The following RPS6KA2 variants were observed in gnomAD, a reference collection of about 807,000 sequenced individuals.
The protein encoded by RPS6KA2 is ribosomal protein S6 kinase A2.
In RPS6KA2, 42 loss-of-function variants were observed where a neutral mutation model predicts 91.8. That is an observed-to-expected ratio of 0.46 (90% CI 0.36 to 0.59). RPS6KA2 has a LOEUF of 0.59. Ranked by LOEUF, RPS6KA2 falls within the 20% of genes least tolerant of loss-of-function variation. The probability of loss-of-function intolerance (pLI) is 0.00; values close to 1 mark genes in which losing one functional copy is unlikely to be tolerated. For missense variants in RPS6KA2, 798 were observed against 978.5 expected (o/e 0.82, Z 2.46); for synonymous variants, 414 against 393.6 (o/e 1.05, Z -0.61).
intron 2 of RPS6KA2, among the ~76,000 whole-genome samples, chr6:166,716,945 C>T (rs1306551152): frequency 6.6e-6 from 1 of 152,234 alleles, no homozygotes; most frequent in African/African-American, 2.4e-5. Context: ...CAGTGCTCCA[C>T]GTACAGAACT....
chr6:166,413,984 G>T lies in RPS6KA2; in HGVS notation c.1939-53C>A, dbSNP rs1778411993. ...GGGATGGTTGGATCATTTGTGCTGGGTCAGAGAGCCTCCCCAGCAGAACTC... is the reference window on the plus strand; with the variant it reads ...GGGATGGTTGGATCATTTGTGCTGGTTCAGAGAGCCTCCCCAGCAGAACTC... On this transcript the variant is annotated intron_variant, in intron 19 of 20. Transcript: ENST00000265678. 1.4e-5 allele frequency: 22 copies of T among 1,568,096 alleles called. 1 individual carries two copies. In the South Asian group the frequency reaches 2.5e-4, roughly 18 times the overall value.
intron 1 of RPS6KA2, among the ~76,000 whole-genome samples, chr6:166,595,457 C>A (rs1309754914): frequency 2.6e-5 from 4 of 152,242 alleles, no homozygotes; most frequent in Non-Finnish European, 5.9e-5. Flanking sequence ...CCCAGGGAAG[C>A]GGTTGTATCC....
chr6:166,473,520 C>T (rs1271902469), intron 10 of RPS6KA2, among the ~76,000 whole-genome samples: 1 of 152,134 alleles, frequency 6.6e-6, no homozygotes, highest in Non-Finnish European at 1.5e-5. Context: ...CGATTCTGTC[C>T]AGCTCTTCTA....
intron 10 of RPS6KA2, among the ~76,000 whole-genome samples, chr6:166,483,621 G>T (rs1275309300): frequency 6.6e-6 from 1 of 152,130 alleles, no homozygotes; most frequent in Non-Finnish European, 1.5e-5. Flanking sequence ...AGGGTAAATC[G>T]CATCCTCACT....
intron 19 of RPS6KA2, among the ~76,000 whole-genome samples, chr6:166,416,365 C>A (rs1031169945): frequency 1.2e-4 from 18 of 151,760 alleles, no homozygotes; most frequent in African/African-American, 1.7e-4. Flanking sequence ...TTCACCATCA[C>A]CTCCACTATC....
intron 2 of RPS6KA2, among the ~76,000 whole-genome samples, chr6:166,670,128 C>A (rs1232857483): frequency 6.6e-6 from 1 of 152,264 alleles, no homozygotes; most frequent in Non-Finnish European, 1.5e-5. Context: ...ATGTACACTT[C>A]CAGTCACAGG....
intron 1 of RPS6KA2, among the ~76,000 whole-genome samples, chr6:166,562,815 C>T (rs1009564076): frequency 2.6e-4 from 39 of 152,302 alleles, no homozygotes; most frequent in Admixed American, 1.9e-3. Flanking sequence ...AGCATGGCCA[C>T]GATGGGGGCT....
chr6:166,773,467 T>C (rs1778533127), intron 2 of RPS6KA2, among the ~76,000 whole-genome samples: 1 of 152,082 alleles, frequency 6.6e-6, no homozygotes. Context: ...AGTAGTGCAG[T>C]CTTGGCTCAC....
At chr6:166,587,665 A>G (rs982571005) in intron 1 of RPS6KA2, among the ~76,000 whole-genome samples, 1 of 110,194 alleles carries the variant, frequency 9.1e-6, no homozygotes, top group Non-Finnish European at 1.8e-5. Context: ...TAAAATAAAT[A>G]TTATATATAT....
intron 2 of RPS6KA2, among the ~76,000 whole-genome samples, chr6:166,840,918 G>A (rs112655008): frequency 0.1 from 15,390 of 151,792 alleles, 1,625 homozygotes; most frequent in East Asian, 0.35. Context: ...AGCTGAGATC[G>A]TGCCATTACA....
rs1367116731 is a variant in RPS6KA2, at chr6:166,852,144, C to G, written c.123+6056G>C. 6.6e-6 allele frequency among the ~76,000 whole-genome samples: 1 copy of G among 152,154 alleles called. No homozygotes were observed. Among genetic ancestry groups the G allele is most frequent in the Non-Finnish European group, 1.5e-5 (1 of 68,022 alleles). On this transcript the variant is annotated intron_variant, in intron 2 of 21. Transcript: ENST00000503859. The surrounding 1 kb of genome is among the most constrained non-coding windows in gnomAD (Gnocchi z 4.1). ...CCCTTTTCTAGCATTTCTGCAAGGA[C>G]TAAAGTGATTCTTGTCTGCTGGACA...
At chr6:166,649,570 G>A (rs553837143) in intron 2 of RPS6KA2, among the ~76,000 whole-genome samples, 1 of 152,232 alleles carries the variant, frequency 6.6e-6, no homozygotes, top group African/African-American at 2.4e-5. Context: ...ACATTTCTGA[G>A]GCCAATGGTC....
chr6:166,502,540 G>A (rs926096031), intron 6 of RPS6KA2, among the ~76,000 whole-genome samples: 3 of 152,340 alleles, frequency 2.0e-5, no homozygotes, highest in South Asian at 2.1e-4. Context: ...GTGGATGCAC[G>A]GGGAGTGTGT....
intron 1 of RPS6KA2, among the ~76,000 whole-genome samples, chr6:166,606,338 G>T (rs947433580): frequency 1.3e-5 from 2 of 152,144 alleles, no homozygotes; most frequent in Non-Finnish European, 2.9e-5. Flanking sequence ...TTCCTTGCTC[G>T]ATTACACAAG....
chr6:166,701,280 A>C, intron 2 of RPS6KA2: 1 of 1,612,246 alleles, frequency 6.2e-7, no homozygotes, highest in Non-Finnish European at 8.5e-7. Context: ...CAACTTCTGC[A>C]CTTGACAAAT....
At position 166,639,591 on chromosome 6, in the gene RPS6KA2, G is replaced by A. The variant is rs778152228; in HGVS notation, c.124-100807C>T. On this transcript the variant is annotated intron_variant, in intron 2 of 21. Coordinates refer to the RPS6KA2 transcript ENST00000503859. The surrounding 1 kb of genome is among the most constrained non-coding windows in gnomAD (Gnocchi z 4.2). ...CTAGCCAGGCCTTCTTCCATGTTGC[G>A]TTTGCCTCTCCTCCTTCCTCCAGGG... Among the ~76,000 whole-genome samples the A allele has an allele frequency of 1.3e-5, 2 of 152,026 alleles. No homozygotes were observed. The highest frequency in any genetic ancestry group is 2.4e-5 in the African/African-American group (1 of 41,380).
chr6:166,422,758 C>T (rs1375165562), intron 17 of RPS6KA2, among the ~76,000 whole-genome samples: 2 of 152,170 alleles, frequency 1.3e-5, no homozygotes, highest in African/African-American at 4.8e-5. Context: ...GGCAAATCAC[C>T]CCGGAGCCCT....
In RPS6KA2 at chr6:166,448,609, G is replaced by C; in HGVS notation, c.1332+115C>G. 1 of 1,316,828 alleles carries C rather than the reference G, an allele frequency of 7.6e-7. No individual in the cohort carries two copies. The highest frequency in any genetic ancestry group is 2.2e-5 in the Admixed American group (1 of 45,600). The allele number at this position is 1,316,828 out of a possible 1,614,324, so 81.6% of individuals were successfully genotyped here. On this transcript the variant is annotated intron_variant, in intron 14 of 20. Transcript: ENST00000265678. This position sits in a 1 kb window ranked among gnomAD's most constrained non-coding sequence, Gnocchi z 4.7. The stretch of plus-strand genomic sequence containing the variant: ...CCATGTGCTGTACATGCTCCCACAC[G>C]CTGCACTCACACAGGGCCCTGCTAT...
Position 166,671,900 on chromosome 6 carries a change from G to C in RPS6KA2, c.124-133116C>G, listed in dbSNP as rs116029393. Among the ~76,000 whole-genome samples the C allele has an allele frequency of 5.5e-3, 830 of 152,242 alleles. 6 individuals carry two copies. The highest frequency in any genetic ancestry group is 0.019 in the African/African-American group (796 of 41,556). ...ATTGGGTGGGGCAGAGCTCACCGAG[G>C]TTCAGATTCGCAGGAGGACAGCAGG... On this transcript the variant is annotated intron_variant, in intron 2 of 21. Transcript: ENST00000503859.
Sources: gnomAD v4.1 joint callset for allele counts (sites outside exome capture counted in the v4.1 genomes callset) on GRCh38, gnomAD v4.1.1 for gene constraint, Gnocchi (gnomAD v3.1) non-coding constraint, MANE v1.5 for transcripts, NCBI Gene and HGNC (gene_info 2026-07-23, HGNC 2026-07-21) for gene names.